HS2ST1: variants seen among roughly 807,000 people sequenced by gnomAD.
HS2ST1 encodes heparan sulfate 2-O-sulfotransferase 1.
A neutral mutation model predicts 42.9 loss-of-function variants in HS2ST1; 18 were observed. The observed-to-expected ratio is 0.42, with a 90% CI of 0.29 to 0.62. HS2ST1 has a LOEUF of 0.62. Among genes scored for constraint, HS2ST1 ranks in the 20% least tolerant of loss-of-function variants. The pLI is 0.21. For synonymous variants in HS2ST1, 146 were observed against 152.9 expected, an observed-to-expected ratio of 0.95 and a Z score of 0.33; for missense variants, 334 against 433.8, an observed-to-expected ratio of 0.77 and a Z score of 2.04.
At chr1:87,040,564 T>G (rs1650495985) in intron 1 of HS2ST1, among the ~76,000 whole-genome samples, 1 of 152,078 alleles carries the variant, frequency 6.6e-6, no homozygotes, top group African/African-American at 2.4e-5. Context: ...TAGGCATAAC[T>G]TATCCAGGTG....
chr1:87,023,421 A>G (rs1399047485), intron 1 of HS2ST1, among the ~76,000 whole-genome samples: 2 of 151,926 alleles, frequency 1.3e-5, no homozygotes, highest in Non-Finnish European at 2.9e-5. Flanking sequence ...CTGTTAAAGA[A>G]AACCACTTAT....
chr1:86,920,816 A>G (rs1461917108), intron 1 of HS2ST1, among the ~76,000 whole-genome samples: 1 of 152,136 alleles, frequency 6.6e-6, no homozygotes, highest in Non-Finnish European at 1.5e-5. Flanking sequence ...ATAGATGGTA[A>G]CTGTCAGTGC....
chr1:87,101,168 T>G (rs1349648994), intron 5 of HS2ST1, among the ~76,000 whole-genome samples: 1 of 123,238 alleles, frequency 8.1e-6, no homozygotes, highest in African/African-American at 3.0e-5. Context: ...TTTTTTTTTT[T>G]TTTTTTTTTT....
At chr1:86,946,548 TGG>T (rs924436969) in intron 1 of HS2ST1, among the ~76,000 whole-genome samples, 1 of 152,218 alleles carries the variant, frequency 6.6e-6, no homozygotes, top group African/African-American at 2.4e-5. Flanking sequence ...AAGATATAGA[TGG>T]TCGCATAACA....
intron 1 of HS2ST1, among the ~76,000 whole-genome samples, chr1:86,944,315 T>C (rs909295193): frequency 2.0e-5 from 3 of 152,092 alleles, no homozygotes; most frequent in Admixed American, 6.5e-5. Flanking sequence ...CAGAATGACA[T>C]AAACGTTTTT....
chr1:87,081,970 CAAAAAAA>C (rs1041749210), intron 2 of HS2ST1, among the ~76,000 whole-genome samples: 1 of 62,710 alleles, frequency 1.6e-5, no homozygotes, highest in Non-Finnish European at 3.2e-5. Flanking sequence ...GACTCCGTCT[CAAAAAAA>C]AAAAAAAGAA....
At chr1:87,091,445 TG>T (rs1024620239) in intron 3 of HS2ST1, among the ~76,000 whole-genome samples, 7 of 151,948 alleles carry the variant, frequency 4.6e-5, no homozygotes, top group Admixed American at 3.3e-4. Flanking sequence ...CAAAGGAGTT[TG>T]GGTTTCATAT....
At chr1:86,939,077 C>G (rs1357758861) in intron 1 of HS2ST1, among the ~76,000 whole-genome samples, 3 of 152,022 alleles carry the variant, frequency 2.0e-5, no homozygotes, top group Non-Finnish European at 4.4e-5. Flanking sequence ...AATTTCTTGT[C>G]ATGTAAAATG....
At chr1:87,041,307 G>T (rs1453314089) in intron 1 of HS2ST1, among the ~76,000 whole-genome samples, 2 of 147,890 alleles carry the variant, frequency 1.4e-5, no homozygotes, top group African/African-American at 2.5e-5. Context: ...AGGATTGCTT[G>T]AGCCAGGTTT....
At chr1:87,060,257 A>G (rs1207193382) in intron 1 of HS2ST1, among the ~76,000 whole-genome samples, 2 of 152,188 alleles carry the variant, frequency 1.3e-5, no homozygotes, top group Non-Finnish European at 2.9e-5. Context: ...TTTCAAAGGA[A>G]TGTTGCAGGA....
At position 87,019,217 on chromosome 1, in the gene HS2ST1, T is replaced by C. The variant is rs182099578; in HGVS notation, c.125-53717T>C. ...CTGTATAGTACTTTGCATACATTTA[T>C]TAATTTCCTTAGTAATTTTATGAAG... On this transcript the variant is annotated intron_variant, in intron 1 of 6. Transcript: ENST00000370550. Among the ~76,000 whole-genome samples, 178 of 152,364 alleles carry C rather than the reference T, an allele frequency of 1.2e-3. 1 individual carries two copies. Among genetic ancestry groups the C allele is most frequent in the African/African-American group, 4.1e-3 (170 of 41,594 alleles).
At chr1:87,082,547 A>G (rs1186101176) in intron 2 of HS2ST1, among the ~76,000 whole-genome samples, 3 of 152,326 alleles carry the variant, frequency 2.0e-5, no homozygotes, top group South Asian at 4.1e-4. Flanking sequence ...ACCATCTTCA[A>G]TGCCTTATTC....
At chr1:86,944,045 G>A (rs1020596818) in intron 1 of HS2ST1, among the ~76,000 whole-genome samples, 2 of 151,930 alleles carry the variant, frequency 1.3e-5, no homozygotes, top group Non-Finnish European at 2.9e-5. Context: ...AATTCTTTTA[G>A]AAGTCACCTT....
In HS2ST1 at chr1:87,076,934, TA is replaced by T. The variant is rs750910285; in HGVS notation, c.363+3763del. The stretch of plus-strand genomic sequence containing the variant: ...ATTCACTCTCAAGCCAACTTTAGGT[TA>T]TCTGCGTTAGAGCCCACAGTTCACC... On this transcript the variant is annotated intron_variant, in intron 2 of 6. Coordinates refer to ENST00000370550, the MANE Select transcript of HS2ST1 (RefSeq NM_012262.4). 9.8e-5 allele frequency among the ~76,000 whole-genome samples: 15 copies of T among 152,342 alleles called. No homozygotes were observed. In the East Asian group the frequency reaches 2.9e-3, roughly 29 times the overall value.
At chr1:87,096,393 C>T (rs1472146903) in intron 4 of HS2ST1, among the ~76,000 whole-genome samples, 1 of 152,188 alleles carries the variant, frequency 6.6e-6, no homozygotes, top group East Asian at 1.9e-4. Context: ...CAAATGTTAA[C>T]ATATTTTGTT....
intron 1 of HS2ST1, among the ~76,000 whole-genome samples, chr1:86,965,289 C>A (rs961245136): frequency 5.9e-5 from 9 of 152,016 alleles, no homozygotes; most frequent in Non-Finnish European, 1.3e-4. Flanking sequence ...CCTTACCATT[C>A]ATTCATTAGT....
At chr1:86,969,740 T>C (rs1020101794) in intron 1 of HS2ST1, among the ~76,000 whole-genome samples, 9 of 151,522 alleles carry the variant, frequency 5.9e-5, no homozygotes, top group African/African-American at 9.7e-5. Flanking sequence ...AATTAAGTTA[T>C]ATAAAATATC....
intron 2 of HS2ST1, 77 bp downstream of exon 2, chr1:87,073,249 T>C (rs1389599980): frequency 6.0e-6 from 6 of 993,584 alleles, no homozygotes; most frequent in Non-Finnish European, 9.5e-6. Flanking sequence ...GGGGATAAAG[T>C]ATTTTAAAGG....
At chr1:86,989,033 T>C (rs1365085634) in intron 1 of HS2ST1, among the ~76,000 whole-genome samples, 2 of 152,218 alleles carry the variant, frequency 1.3e-5, no homozygotes, top group African/African-American at 4.8e-5. Context: ...TGGTAAGAGT[T>C]TCACTACTCA....
Sources: allele counts gnomAD v4.1 joint callset (sites outside exome capture counted in the v4.1 genomes callset), GRCh38; gene constraint gnomAD v4.1.1; transcripts MANE v1.5; gene names NCBI Gene and HGNC (gene_info 2026-07-23, HGNC 2026-07-21).